THSD7B: variants seen among roughly 807,000 people sequenced by gnomAD.
THSD7B encodes thrombospondin type 1 domain containing 7B.
Under a neutral mutation model 213.6 loss-of-function variants are expected in THSD7B, and 138 were observed. The ratio of observed to expected loss-of-function variants is 0.65; its 90% CI spans 0.56 to 0.74. The LOEUF is 0.74. Ranked by LOEUF, THSD7B falls within the 30% of genes least tolerant of loss-of-function variation. The pLI, the probability that THSD7B is intolerant of heterozygous loss-of-function variation, is 0.00. For synonymous variants in THSD7B, 742 were observed against 687.0 expected, an observed-to-expected ratio of 1.08 and a Z score of -1.25; for missense variants, 1,931 against 1,991.5, an observed-to-expected ratio of 0.97 and a Z score of 0.58.
intron 1 of THSD7B, among the ~76,000 whole-genome samples, chr2:136,835,673 T>C (rs899059718): frequency 1.2e-4 from 19 of 152,212 alleles, no homozygotes; most frequent in African/African-American, 4.6e-4. Context: ...TTCTATGTTG[T>C]AAAGAATACC....
intron 10 of THSD7B, among the ~76,000 whole-genome samples, chr2:137,249,842 A>G (rs1682130344): frequency 6.6e-6 from 1 of 152,260 alleles, no homozygotes. Flanking sequence ...TAGCAAATCA[A>G]GAATTTGAAG....
chr2:137,150,242 C>CAA (rs34325279), intron 5 of THSD7B, among the ~76,000 whole-genome samples: 3 of 129,360 alleles, frequency 2.3e-5, no homozygotes, highest in African/African-American at 8.6e-5. Flanking sequence ...AATTCTGTCT[C>CAA]AAAAAAAAAA....
At chr2:136,832,201 G>GTGTGTATGTA (rs66731773) in intron 1 of THSD7B, among the ~76,000 whole-genome samples, 1 of 146,406 alleles carries the variant, frequency 6.8e-6, no homozygotes, top group African/African-American at 2.5e-5. Context: ...GTGTGTGTGT[G>GTGTGTATGTA]TATACACACA....
intron 12 of THSD7B, among the ~76,000 whole-genome samples, chr2:137,377,478 C>T (rs1042482976): frequency 6.6e-6 from 1 of 151,896 alleles, no homozygotes; most frequent in African/African-American, 2.4e-5. Context: ...CTAGTAAATG[C>T]TTATGATTCC....
intron 7 of THSD7B, among the ~76,000 whole-genome samples, chr2:137,196,690 T>A (rs1680772530): frequency 6.6e-6 from 1 of 152,168 alleles, no homozygotes; most frequent in South Asian, 2.1e-4. Context: ...CTTTATTTCA[T>A]GTACAAAATT....
In THSD7B at chr2:137,275,491, C is replaced by T. The variant is rs140798922; in HGVS notation, c.2397-432C>T. Among the ~76,000 whole-genome samples the T allele has an allele frequency of 3.7e-4, 56 of 151,266 alleles. 1 individual carries two copies. The highest frequency in any genetic ancestry group is 3.5e-3 in the Middle Eastern group (1 of 286). On this transcript the variant is annotated intron_variant, in intron 11 of 27. Coordinates refer to ENST00000409968, the MANE Select transcript of THSD7B (RefSeq NM_001316349.2). ...AGATGTTCAAACCTTTATTCTCTAA[C>T]GCACCAGTGGGACACAGGGATTTTC...
At position 137,575,107 on chromosome 2, in the gene THSD7B, G is replaced by A. The variant is rs78733200; in HGVS notation, c.3423+2551G>A. Reference sequence around the variant, plus strand: ...AAATAAGCTGAACATGTATTTAAGTGTGGTTGCAGCAAGTTATTTAAACAT... The same window carrying A: ...AAATAAGCTGAACATGTATTTAAGTATGGTTGCAGCAAGTTATTTAAACAT... On this transcript the variant is annotated intron_variant, in intron 17 of 27. Coordinates refer to ENST00000409968, the MANE Select transcript of THSD7B (RefSeq NM_001316349.2). Among the ~76,000 whole-genome samples the A allele has an allele frequency of 2.7e-3, 407 of 152,194 alleles. 3 individuals are homozygous for A. The highest frequency in any genetic ancestry group is 0.025 in the East Asian group (131 of 5,176).
chr2:136,893,266 A>T (rs1231700411), intron 2 of THSD7B, among the ~76,000 whole-genome samples: 2 of 152,196 alleles, frequency 1.3e-5, no homozygotes, highest in Non-Finnish European at 2.9e-5. Flanking sequence ...AAAAAACCTA[A>T]TTCAAATGTT....
At chr2:136,831,820 C>T (rs529322826) in intron 1 of THSD7B, among the ~76,000 whole-genome samples, 15 of 152,302 alleles carry the variant, frequency 9.8e-5, no homozygotes, top group Admixed American at 2.0e-4. Flanking sequence ...TACAATCTTC[C>T]TTTTCTTTCC....
chr2:137,454,412 GTCTGTCTGTCTGTCTA>G (rs1687719089), intron 15 of THSD7B, among the ~76,000 whole-genome samples: 1 of 121,418 alleles, frequency 8.2e-6, no homozygotes, highest in African/African-American at 3.2e-5. Context: ...CTGTCTGTCT[GTCTGTCTGTCTGTCTA>G]TCTATCTATC....
intron 2 of THSD7B, among the ~76,000 whole-genome samples, chr2:137,013,700 C>T (rs1573767117): frequency 6.6e-6 from 1 of 152,064 alleles, no homozygotes; most frequent in Non-Finnish European, 1.5e-5. Context: ...CCTGATCCTT[C>T]TTTAAAACCC....
At chr2:137,287,092 T>C (rs1683199558) in intron 12 of THSD7B, among the ~76,000 whole-genome samples, 1 of 152,162 alleles carries the variant, frequency 6.6e-6, no homozygotes, top group African/African-American at 2.4e-5. Flanking sequence ...TTTTGTATTA[T>C]TTATTATTTT....
chr2:136,827,295 T>G (rs1682663633), intron 1 of THSD7B, among the ~76,000 whole-genome samples: 1 of 152,222 alleles, frequency 6.6e-6, no homozygotes, highest in Admixed American at 6.5e-5. Flanking sequence ...TTTTTGGTAT[T>G]CTGGTGTCCA....
At chr2:136,990,412 C>T (rs975919941) in intron 2 of THSD7B, among the ~76,000 whole-genome samples, 14 of 151,976 alleles carry the variant, frequency 9.2e-5, no homozygotes, top group Non-Finnish European at 1.5e-4. Context: ...CAAGAGTGGC[C>T]GAGAGTCAGG....
chr2:137,336,886 C>A (rs1684650323), intron 12 of THSD7B, among the ~76,000 whole-genome samples: 1 of 151,920 alleles, frequency 6.6e-6, no homozygotes, highest in Admixed American at 6.6e-5. Flanking sequence ...CATGCTTAAT[C>A]CACCATTCCT....
chr2:137,178,572 C>T (rs1487757033), intron 7 of THSD7B, among the ~76,000 whole-genome samples: 2 of 152,110 alleles, frequency 1.3e-5, no homozygotes, highest in East Asian at 1.9e-4. Flanking sequence ...AGTTGTCTTG[C>T]AGTGAAATTA....
chr2:137,214,292 G>C (rs1286733951), intron 7 of THSD7B, among the ~76,000 whole-genome samples: 2 of 152,012 alleles, frequency 1.3e-5, no homozygotes, highest in Non-Finnish European at 2.9e-5. Context: ...ACATCAAGTT[G>C]CTGACATCAG....
At chr2:137,583,964 C>T (rs1293591903) in intron 17 of THSD7B, among the ~76,000 whole-genome samples, 1 of 152,130 alleles carries the variant, frequency 6.6e-6, no homozygotes, top group Non-Finnish European at 1.5e-5. Context: ...TTCTTCCTAT[C>T]CATGAGCATG....
At chr2:137,288,924 T>C (rs1683250970) in intron 12 of THSD7B, among the ~76,000 whole-genome samples, 1 of 152,054 alleles carries the variant, frequency 6.6e-6, no homozygotes, top group Admixed American at 6.6e-5. Context: ...AGGATGCTCC[T>C]TCACTTTGAA....
Sources: gnomAD v4.1 joint callset for allele counts (sites outside exome capture counted in the v4.1 genomes callset) on GRCh38, gnomAD v4.1.1 for gene constraint, MANE v1.5 for transcripts, NCBI Gene and HGNC (gene_info 2026-07-23, HGNC 2026-07-21) for gene names.